The following GRXCR1 variants were observed in gnomAD, a reference collection of about 807,000 sequenced individuals.
GRXCR1 encodes the protein glutaredoxin domain-containing cysteine-rich protein 1.
Under a neutral mutation model 27.3 loss-of-function variants are expected in GRXCR1, and 27 were observed. The ratio of observed to expected loss-of-function variants is 0.99; its 90% CI spans 0.73 to 1.37. The LOEUF (loss-of-function observed/expected upper bound fraction) is 1.37. Among genes scored for constraint, GRXCR1 ranks in the 40% most tolerant of loss-of-function variants. The pLI, the probability that GRXCR1 is intolerant of heterozygous loss-of-function variation, is 0.00. For missense variants in GRXCR1, 379 were observed against 354.4 expected (o/e 1.07, Z -0.56); for synonymous variants, 122 against 131.1 (o/e 0.93, Z 0.47).
chr4:42,956,972 G>A (rs942818183), intron 1 of GRXCR1, among the ~76,000 whole-genome samples: 2 of 151,992 alleles, frequency 1.3e-5, no homozygotes, highest in Non-Finnish European at 2.9e-5. Context: ...ATACAACATG[G>A]TATCAACCCT....
At chr4:42,907,634 T>G (rs1180317777) in intron 1 of GRXCR1, among the ~76,000 whole-genome samples, 2 of 152,150 alleles carry the variant, frequency 1.3e-5, no homozygotes, top group South Asian at 2.1e-4. Flanking sequence ...AACAGACATA[T>G]TTCTCCCTGC....
chr4:42,970,008 A>G (rs1748348270), intron 2 of GRXCR1, among the ~76,000 whole-genome samples: 1 of 152,186 alleles, frequency 6.6e-6, no homozygotes, highest in African/African-American at 2.4e-5. Flanking sequence ...GGCCAAAACC[A>G]AGGGACTACA....
At chr4:42,990,771 A>G (rs192306343) in intron 2 of GRXCR1, among the ~76,000 whole-genome samples, 20 of 152,268 alleles carry the variant, frequency 1.3e-4, no homozygotes, top group African/African-American at 4.6e-4. Context: ...AGTCTAATAT[A>G]TGATAATTTT....
intron 1 of GRXCR1, among the ~76,000 whole-genome samples, chr4:42,899,870 C>T (rs1746425401): frequency 6.6e-6 from 1 of 152,112 alleles, no homozygotes; most frequent in Non-Finnish European, 1.5e-5. Context: ...GAGCTTAATC[C>T]TATGAATCTG....
At chr4:42,996,058 AT>A in intron 2 of GRXCR1, among the ~76,000 whole-genome samples, 1 of 152,242 alleles carries the variant, frequency 6.6e-6, no homozygotes, top group African/African-American at 2.4e-5. Flanking sequence ...AGTGGTTATT[AT>A]TTTTTTCAGA....
At chr4:42,941,792 T>A (rs549910586) in intron 1 of GRXCR1, among the ~76,000 whole-genome samples, 6 of 152,088 alleles carry the variant, frequency 3.9e-5, no homozygotes, top group Non-Finnish European at 7.4e-5. Context: ...AGTCATCTTA[T>A]GATACGTATC....
intron 1 of GRXCR1, 136 bp from the exon 2 acceptor site, chr4:42,962,756 A>G: frequency 1.1e-6 from 1 of 894,014 alleles, no homozygotes; most frequent in Non-Finnish European, 1.8e-6. Context: ...TAACTTAAAA[A>G]GGTAAGTCTT....
intron 1 of GRXCR1, among the ~76,000 whole-genome samples, chr4:42,960,642 GT>G (rs200228120): frequency 1.8e-4 from 27 of 149,264 alleles, no homozygotes; most frequent in Non-Finnish European, 2.4e-4. Context: ...CTACACTTGT[GT>G]TTTTTTTTCA....
At chr4:42,949,716 G>A (rs546132341) in intron 1 of GRXCR1, among the ~76,000 whole-genome samples, 2 of 152,256 alleles carry the variant, frequency 1.3e-5, no homozygotes, top group Admixed American at 1.3e-4. Context: ...TACTTCCCTG[G>A]AGTTCAGTGT....
chr4:42,896,991 T>G (rs1393219793), intron 1 of GRXCR1, among the ~76,000 whole-genome samples: 1 of 152,156 alleles, frequency 6.6e-6, no homozygotes, highest in Non-Finnish European at 1.5e-5. Context: ...CTCTTTTTAA[T>G]ACTCTTTAAG....
At chr4:43,020,066 GCTGGCCCTTT>G (rs1713047169) in intron 2 of GRXCR1, among the ~76,000 whole-genome samples, 1 of 152,136 alleles carries the variant, frequency 6.6e-6, no homozygotes, top group Non-Finnish European at 1.5e-5. Context: ...TGAAGAGTAT[GCTGGCCCTTT>G]CTGTATTTGG....
At chr4:42,904,635 AAT>A (rs1746543256) in intron 1 of GRXCR1, among the ~76,000 whole-genome samples, 6 of 152,190 alleles carry the variant, frequency 3.9e-5, no homozygotes, top group Admixed American at 3.9e-4. Flanking sequence ...CTATGAAATG[AAT>A]GAGTTATTGT....
chr4:42,897,959 CTTAT>C (rs1746387377), intron 1 of GRXCR1, among the ~76,000 whole-genome samples: 1 of 10,300 alleles, frequency 9.7e-5, no homozygotes, highest in Non-Finnish European at 7.7e-4. Flanking sequence ...TATTATTATT[CTTAT>C]TATGTCTGTT....
chr4:42,907,421 G>T (rs1746620853), intron 1 of GRXCR1, among the ~76,000 whole-genome samples: 1 of 152,152 alleles, frequency 6.6e-6, no homozygotes. Context: ...TGAAATGATA[G>T]CTGATAATCT....
intron 2 of GRXCR1, among the ~76,000 whole-genome samples, chr4:42,996,129 G>C (rs1046666052): frequency 2.6e-5 from 4 of 152,116 alleles, no homozygotes; most frequent in African/African-American, 9.7e-5. Context: ...ATGTTTTAAA[G>C]ATGAAATTTA....
intron 1 of GRXCR1, among the ~76,000 whole-genome samples, chr4:42,953,290 T>A (rs1560662747): frequency 6.6e-6 from 1 of 152,188 alleles, no homozygotes; most frequent in Non-Finnish European, 1.5e-5. Flanking sequence ...ACTGCTTTCA[T>A]GAATAGAGTA....
At chr4:42,987,627 C>T (rs986331494) in intron 2 of GRXCR1, among the ~76,000 whole-genome samples, 3 of 152,022 alleles carry the variant, frequency 2.0e-5, no homozygotes, top group Admixed American at 2.0e-4. Flanking sequence ...TTCCATGCCA[C>T]GTGTGTTCCT....
At chr4:42,972,426 C>G (rs1748411632) in intron 2 of GRXCR1, among the ~76,000 whole-genome samples, 1 of 152,090 alleles carries the variant, frequency 6.6e-6, no homozygotes, top group African/African-American at 2.4e-5. Flanking sequence ...TTTGTTCTGG[C>G]CTTCAGATAG....
At chr4:42,919,940 G>A (rs1487460274) in intron 1 of GRXCR1, among the ~76,000 whole-genome samples, 1 of 152,076 alleles carries the variant, frequency 6.6e-6, no homozygotes, top group Non-Finnish European at 1.5e-5. Context: ...GGAATATAGA[G>A]TTATGTATGT....
Sources: allele counts gnomAD v4.1 joint callset (sites outside exome capture counted in the v4.1 genomes callset), GRCh38; gene constraint gnomAD v4.1.1; transcripts MANE v1.5; gene names NCBI Gene and HGNC (gene_info 2026-07-23, HGNC 2026-07-21).